The following CNTN5 variants were observed in gnomAD, a reference collection of about 807,000 sequenced individuals.
CNTN5 encodes the protein contactin-5.
CNTN5 carries 77 observed loss-of-function variants against 129.1 expected under a neutral mutation model. The observed-to-expected ratio is 0.60, with a 90% CI of 0.50 to 0.72. The LOEUF (loss-of-function observed/expected upper bound fraction) is 0.72, where lower values mean the gene tolerates loss of function less well. CNTN5 is among the 30% of genes least tolerant of loss of function. CNTN5 has a pLI of 0.00. For missense variants in CNTN5, 1,478 were observed against 1,328.8 expected (o/e 1.11, Z -1.75); for synonymous variants, 509 against 465.6 (o/e 1.09, Z -1.20).
chr11:99,903,738 T>A (rs569533803), intron 6 of CNTN5, among the ~76,000 whole-genome samples: 1 of 152,246 alleles, frequency 6.6e-6, no homozygotes, highest in South Asian at 2.1e-4. Flanking sequence ...TAAATATAAT[T>A]TTTTTAGAGA....
intron 2 of CNTN5, among the ~76,000 whole-genome samples, chr11:99,365,278 A>G (rs142945129): frequency 6.6e-6 from 1 of 152,330 alleles, no homozygotes; most frequent in Non-Finnish European, 1.5e-5. Flanking sequence ...TGAAAAAGAC[A>G]TACGCATTTA....
chr11:99,904,181 C>A (rs1420508113), intron 6 of CNTN5, among the ~76,000 whole-genome samples: 2 of 152,012 alleles, frequency 1.3e-5, no homozygotes, highest in Admixed American at 1.3e-4. Context: ...ACAGAATGTG[C>A]AGGTTTGTAA....
At chr11:99,713,154 A>G (rs757048956) in intron 3 of CNTN5, among the ~76,000 whole-genome samples, 8 of 151,936 alleles carry the variant, frequency 5.3e-5, no homozygotes, top group Non-Finnish European at 1.2e-4. Context: ...GTCCTCTTTG[A>G]TTTCCTTGAG....
intron 1 of CNTN5, among the ~76,000 whole-genome samples, chr11:99,313,454 A>G (rs1664816386): frequency 6.6e-6 from 1 of 152,058 alleles, no homozygotes; most frequent in African/African-American, 2.4e-5. Flanking sequence ...TTTTACAGAC[A>G]GCTGAAAATT....
At chr11:99,926,594 T>G (rs1950068007) in intron 7 of CNTN5, among the ~76,000 whole-genome samples, 1 of 152,076 alleles carries the variant, frequency 6.6e-6, no homozygotes, top group Non-Finnish European at 1.5e-5. Flanking sequence ...GGACAAGACT[T>G]TTTTGGCATC....
intron 6 of CNTN5, among the ~76,000 whole-genome samples, chr11:99,858,601 G>GC (rs1185502429): frequency 2.1e-4 from 2 of 9,694 alleles, no homozygotes; most frequent in African/African-American, 7.7e-4. Flanking sequence ...GAATAAATGT[G>GC]CTTACCTTTA....
At chr11:99,987,490 TTTACA>T (rs1046003081) in intron 8 of CNTN5, among the ~76,000 whole-genome samples, 2 of 150,068 alleles carry the variant, frequency 1.3e-5, no homozygotes, top group Admixed American at 6.7e-5. Context: ...TGTGTATATA[TTTACA>T]TTATATATAC....
chr11:99,958,987 A>G (rs1160797207), intron 8 of CNTN5, among the ~76,000 whole-genome samples: 3 of 152,126 alleles, frequency 2.0e-5, no homozygotes, highest in South Asian at 4.1e-4. Context: ...AGTGTTTTGC[A>G]CTTTTGGTTC....
intron 15 of CNTN5, among the ~76,000 whole-genome samples, chr11:100,209,444 G>C (rs1321744512): frequency 6.6e-6 from 1 of 152,184 alleles, no homozygotes; most frequent in Non-Finnish European, 1.5e-5. Context: ...TCTGGTTAAA[G>C]AGAGTCATTT....
At chr11:99,033,020 A>C (rs1206968328) in intron 1 of CNTN5, among the ~76,000 whole-genome samples, 11 of 141,298 alleles carry the variant, frequency 7.8e-5, no homozygotes, top group African/African-American at 3.1e-4. Context: ...TTTATTAAAT[A>C]GGGAATCCTT....
intron 21 of CNTN5, among the ~76,000 whole-genome samples, chr11:100,332,908 A>G (rs1024957017): frequency 1.3e-5 from 2 of 152,116 alleles, no homozygotes; most frequent in Non-Finnish European, 2.9e-5. Flanking sequence ...CACTCTCACC[A>G]CTTCTATTCA....
At chr11:99,186,611 T>G (rs1196888375) in intron 1 of CNTN5, among the ~76,000 whole-genome samples, 2 of 151,940 alleles carry the variant, frequency 1.3e-5, no homozygotes, top group African/African-American at 4.8e-5. Flanking sequence ...TTTTCTACTA[T>G]GATGGCATTA....
intron 3 of CNTN5, among the ~76,000 whole-genome samples, chr11:99,778,501 C>G (rs1042237359): frequency 2.0e-5 from 3 of 151,698 alleles, no homozygotes; most frequent in African/African-American, 7.3e-5. Flanking sequence ...TTCCTCTATT[C>G]TGTGGGGAAT....
At chr11:99,785,980 G>A (rs1285489790) in intron 3 of CNTN5, among the ~76,000 whole-genome samples, 1 of 152,020 alleles carries the variant, frequency 6.6e-6, no homozygotes, top group African/African-American at 2.4e-5. Context: ...CTCCTATTCA[G>A]CACTGTATTG....
At chr11:100,193,128 T>G (rs987703768) in intron 14 of CNTN5, among the ~76,000 whole-genome samples, 2 of 151,954 alleles carry the variant, frequency 1.3e-5, no homozygotes, top group African/African-American at 4.8e-5. Flanking sequence ...TTGTAAAAAA[T>G]CTTTTATTTA....
At chr11:99,602,006 C>G (rs1181467103) in intron 3 of CNTN5, among the ~76,000 whole-genome samples, 1 of 152,042 alleles carries the variant, frequency 6.6e-6, no homozygotes. Flanking sequence ...TACCTACATA[C>G]TAACAAATGT....
At chr11:99,520,115 A>C (rs879324077) in intron 2 of CNTN5, among the ~76,000 whole-genome samples, 10 of 152,126 alleles carry the variant, frequency 6.6e-5, no homozygotes, top group Non-Finnish European at 1.5e-4. Flanking sequence ...CAATACAACC[A>C]GAAAGTATTT....
At chr11:99,387,951 C>T (rs1205516574) in intron 2 of CNTN5, among the ~76,000 whole-genome samples, 1 of 144,842 alleles carries the variant, frequency 6.9e-6, no homozygotes, top group Admixed American at 6.9e-5. Flanking sequence ...GGGTGAGGTC[C>T]ATGTATCAAA....
intron 18 of CNTN5, among the ~76,000 whole-genome samples, chr11:100,295,486 T>G (rs1449092095): frequency 6.6e-6 from 1 of 151,498 alleles, no homozygotes; most frequent in Non-Finnish European, 1.5e-5. Context: ...TTTAAAAATC[T>G]AAATTGGTAA....
Sources: allele counts gnomAD v4.1 joint callset (sites outside exome capture counted in the v4.1 genomes callset), GRCh38; gene constraint gnomAD v4.1.1; transcripts MANE v1.5; gene names NCBI Gene and HGNC (gene_info 2026-07-23, HGNC 2026-07-21).